EYA1: variants seen among roughly 807,000 people sequenced by gnomAD.
EYA1 encodes EYA transcriptional coactivator and phosphatase 1, also known as protein phosphatase EYA1.
Under a neutral mutation model 82.0 loss-of-function variants are expected in EYA1, and 16 were observed. The ratio of observed to expected loss-of-function variants is 0.20; its 90% confidence interval spans 0.13 to 0.30. The LOEUF is 0.30. EYA1 is among the 10% of genes least tolerant of loss of function. The pLI is 1.00. For synonymous variants in EYA1, 261 were observed against 264.4 expected (o/e 0.99, Z 0.12); for missense variants, 633 against 730.7 (o/e 0.87, Z 1.54).
chr8:71,286,484 T>C (rs1818375999), intron 9 of EYA1, among the ~76,000 whole-genome samples: 1 of 152,196 alleles, frequency 6.6e-6, no homozygotes, highest in South Asian at 2.1e-4. Flanking sequence ...CAGCTGACAA[T>C]AACAAGTTTC....
At chr8:71,372,437 TC>T (rs1294993104) in intron 2 of EYA1, among the ~76,000 whole-genome samples, 1 of 152,162 alleles carries the variant, frequency 6.6e-6, no homozygotes, top group Non-Finnish European at 1.5e-5. Context: ...CAGGTTAATT[TC>T]CCAATCCTTT....
intron 4 of EYA1, among the ~76,000 whole-genome samples, chr8:71,323,703 C>T (rs1822839931): frequency 6.6e-6 from 1 of 152,220 alleles, no homozygotes; most frequent in African/African-American, 2.4e-5. Flanking sequence ...TACTGAGCCA[C>T]TACTCTGTTC....
In EYA1 at chr8:71,272,984, C is replaced by T. The variant is rs1471068769; in HGVS notation, c.827-1087G>A. 3.9e-5 allele frequency among the ~76,000 whole-genome samples: 6 copies of T among 152,334 alleles called. No homozygotes were observed. In the East Asian group the frequency reaches 1.2e-3, roughly 29 times the overall value. On this transcript the variant is annotated intron_variant, in intron 9 of 17. Transcript: ENST00000340726. ...GCCTTTATTAACACACTATCAGCCT[C>T]AACTATACCAATAAGGCCATCCACG...
At chr8:71,291,996 A>G (rs1819049526) in intron 9 of EYA1, among the ~76,000 whole-genome samples, 1 of 152,176 alleles carries the variant, frequency 6.6e-6, no homozygotes, top group Non-Finnish European at 1.5e-5. Flanking sequence ...AATACAGCAC[A>G]GTAATTGGAT....
At chr8:71,236,715 A>C (rs1396393454) in intron 12 of EYA1, among the ~76,000 whole-genome samples, 1 of 152,210 alleles carries the variant, frequency 6.6e-6, no homozygotes, top group African/African-American at 2.4e-5. Flanking sequence ...AAATTAAGAT[A>C]TTAATAGTGT....
chr8:71,210,593 A>C (rs1412674198), intron 17 of EYA1, among the ~76,000 whole-genome samples: 3 of 152,212 alleles, frequency 2.0e-5, no homozygotes, highest in Non-Finnish European at 4.4e-5. Flanking sequence ...AATATAATGA[A>C]CAGCAATGGG....
intron 4 of EYA1, among the ~76,000 whole-genome samples, chr8:71,327,600 T>G (rs1823304674): frequency 6.6e-6 from 1 of 152,228 alleles, no homozygotes; most frequent in East Asian, 1.9e-4. Flanking sequence ...AATTTTCAAC[T>G]CAGCCACATG....
intron 2 of EYA1, among the ~76,000 whole-genome samples, chr8:71,526,229 T>C (rs570952878): frequency 1.9e-3 from 278 of 150,200 alleles, no homozygotes; most frequent in Middle Eastern, 3.6e-3. Flanking sequence ...ATATTACATA[T>C]ATATATTAAT....
At chr8:71,408,943 C>A (rs1830435218) in intron 2 of EYA1, among the ~76,000 whole-genome samples, 2 of 116,874 alleles carry the variant, frequency 1.7e-5, no homozygotes, top group Non-Finnish European at 3.4e-5. Context: ...CCACACCACA[C>A]CTATTCCAAA....
At chr8:71,304,851 C>G (rs7013100) in intron 7 of EYA1, among the ~76,000 whole-genome samples, 77,119 of 141,142 alleles carry the variant, frequency 0.55, 26,633 homozygotes, top group East Asian at 0.87. Context: ...CCAACACTAC[C>G]AGATGGATTT....
chr8:71,320,561 C>T (rs1239986938), intron 6 of EYA1, among the ~76,000 whole-genome samples: 1 of 152,006 alleles, frequency 6.6e-6, no homozygotes, highest in Non-Finnish European at 1.5e-5. Context: ...TTTAAAAATT[C>T]CATTTTAGGG....
intron 2 of EYA1, among the ~76,000 whole-genome samples, chr8:71,401,232 A>G (rs750661243): frequency 9.2e-5 from 14 of 152,194 alleles, no homozygotes; most frequent in Non-Finnish European, 1.8e-4. Context: ...CCACCATGGC[A>G]CACATTTACC....
At chr8:71,366,365 A>C (rs1203976439), upstream of EYA1, among the ~76,000 whole-genome samples, 1 of 152,166 alleles carries the variant, frequency 6.6e-6, no homozygotes, top group Admixed American at 6.5e-5. Context: ...GTATATAAAT[A>C]ATTGGTCCTG....
intron 2 of EYA1, among the ~76,000 whole-genome samples, chr8:71,412,644 G>C (rs1830668839): frequency 1.3e-5 from 2 of 152,118 alleles, no homozygotes. Context: ...CTGCATAATG[G>C]ATACATAGAA....
At chr8:71,243,784 A>G (rs937342167) in intron 12 of EYA1, among the ~76,000 whole-genome samples, 6 of 152,216 alleles carry the variant, frequency 3.9e-5, no homozygotes, top group African/African-American at 9.6e-5. Flanking sequence ...TTGATCAGTA[A>G]AAGTTCTATT....
intron 11 of EYA1, among the ~76,000 whole-genome samples, chr8:71,257,049 C>T (rs754426162): frequency 2.0e-5 from 3 of 151,986 alleles, no homozygotes; most frequent in Non-Finnish European, 4.4e-5. Context: ...ATTGGTTAGA[C>T]ATTTAATGAT....
chr8:71,271,975 A>AG, intron 9 of EYA1, 78 bp from the exon 10 acceptor site: 1 of 1,510,208 alleles, frequency 6.6e-7, no homozygotes, highest in Non-Finnish European at 9.2e-7. Flanking sequence ...TTAATTCACA[A>AG]GGGGAGTTTC....
At chr8:71,383,138 T>C (rs989754371) in intron 2 of EYA1, among the ~76,000 whole-genome samples, 1 of 152,038 alleles carries the variant, frequency 6.6e-6, no homozygotes, top group Non-Finnish European at 1.5e-5. Flanking sequence ...ACCTCATTTA[T>C]GAAAATACAA....
chr8:71,215,323 CT>C, intron 16 of EYA1, 63 bp downstream of exon 16: 2 of 1,536,884 alleles, frequency 1.3e-6, no homozygotes. Flanking sequence ...CATTTATTGC[CT>C]TTCGTTTTTA....
Sources: gnomAD v4.1 joint callset for allele counts (sites outside exome capture counted in the v4.1 genomes callset) on GRCh38, gnomAD v4.1.1 for gene constraint, MANE v1.5 for transcripts, NCBI Gene and HGNC (gene_info 2026-07-23, HGNC 2026-07-21) for gene names.